KANTR: variants seen among roughly 807,000 people sequenced by gnomAD.
The protein encoded by KANTR is KANTR integral membrane protein.
chrX:53,138,083 T>A (rs1443534359), intron 2 of KANTR, among the ~76,000 whole-genome samples: 1 of 109,974 alleles, frequency 9.1e-6, no homozygotes, highest in African/African-American at 3.3e-5. Context: ...TATTTATTTT[T>A]TTGAGATGGA....
At chrX:53,122,449 G>A (rs1191072903) in intron 2 of KANTR, among the ~76,000 whole-genome samples, 5 of 110,379 alleles carry the variant, frequency 4.5e-5, no homozygotes, top group Admixed American at 2.9e-4. Context: ...TTTTCTTGTC[G>A]TACTGAGATG....
At chrX:53,104,259 C>G (rs1200975850) in intron 2 of KANTR, among the ~76,000 whole-genome samples, 1 of 110,468 alleles carries the variant, frequency 9.1e-6, no homozygotes, top group Non-Finnish European at 1.9e-5. Flanking sequence ...CAGCCTCTCG[C>G]TCTGTCACCC....
At chrX:53,103,345 C>T (rs1556812192) in intron 2 of KANTR, among the ~76,000 whole-genome samples, 1 of 111,171 alleles carries the variant, frequency 9.0e-6, no homozygotes, top group African/African-American at 3.3e-5. Context: ...ATCCTGTTCT[C>T]TAGCCAGTAC....
chrX:53,142,809 A>G (rs1933522378), downstream of KANTR: 1 of 475,654 alleles, frequency 2.1e-6, no homozygotes, highest in South Asian at 2.7e-5. Context: ...GCTAACCCAC[A>G]TGCTTGCAGT....
At chrX:53,144,343 C>T (rs190650502), downstream of KANTR, among the ~76,000 whole-genome samples, 39 of 110,578 alleles carry the variant, frequency 3.5e-4, no homozygotes, top group East Asian at 7.2e-3. Context: ...TGCAGTGAGC[C>T]GAGATTGTGC....
chrX:53,099,415 CTTCT>C (rs1556811455), intron 1 of KANTR, 53 bp from the exon 2 acceptor site: 1 of 111,777 alleles, frequency 8.9e-6, no homozygotes, highest in Non-Finnish European at 1.9e-5. Context: ...AATTCAGTCA[CTTCT>C]TCAGCCTCAC....
At chrX:53,114,433 C>T (rs1170291438) in intron 2 of KANTR, among the ~76,000 whole-genome samples, 2 of 112,523 alleles carry the variant, frequency 1.8e-5, no homozygotes, top group Non-Finnish European at 3.8e-5. Flanking sequence ...TTGCAGACTG[C>T]CTTTGTCTGG....
chrX:53,118,499 G>T (rs1933168261), intron 2 of KANTR, among the ~76,000 whole-genome samples: 1 of 111,849 alleles, frequency 8.9e-6, no homozygotes, highest in Non-Finnish European at 1.9e-5. Context: ...AATGGCTCAT[G>T]CCTGTAATCT....
At chrX:53,128,639 A>T (rs1710104848), downstream of KANTR, among the ~76,000 whole-genome samples, 1 of 111,585 alleles carries the variant, frequency 9.0e-6, no homozygotes, top group African/African-American at 3.3e-5. Flanking sequence ...TCCAATAAAT[A>T]AATCAGTTTT....
intron 2 of KANTR, among the ~76,000 whole-genome samples, chrX:53,136,447 A>G (rs1402408032): frequency 3.9e-5 from 4 of 103,401 alleles, no homozygotes; most frequent in Non-Finnish European, 7.9e-5. Flanking sequence ...CATGTTGGCC[A>G]GGCTGGTCTT....
rs781783647 is a variant in KANTR, at chrX:53,097,350, G to GTTTTT, written c.-941-2106_-941-2102dup. On this transcript the variant is annotated intron_variant, in intron 1 of 2. Transcript: ENST00000604062. ...ACAACCCTTTTTTCATTTGTTTTAA[G>GTTTTT]TTTTTTTTTTTTTTTTTTTTGAGAC... 4.2e-3 allele frequency among the ~76,000 whole-genome samples: 284 copies of GTTTTT among 67,995 alleles called. 17 individuals carry two copies. The highest frequency in any genetic ancestry group is 6.0e-3 in the Non-Finnish European group (226 of 37,860). The allele number at this position is 67,995 out of a possible 115,157, so 59.0% of individuals were successfully genotyped here. A position where few individuals can be genotyped will look rare whatever the true frequency, so the allele number is the denominator to read the frequency against.
chrX:53,129,241 G>GTGTGTGTGTGTA (rs1369887083), downstream of KANTR, among the ~76,000 whole-genome samples: 8 of 101,050 alleles, frequency 7.9e-5, no homozygotes, highest in Non-Finnish European at 1.2e-4. Flanking sequence ...CTATTTGTGT[G>GTGTGTGTGTGTA]TGTGTGTGTG....
At chrX:53,118,911 A>AT (rs1222319522) in intron 2 of KANTR, among the ~76,000 whole-genome samples, 1 of 111,257 alleles carries the variant, frequency 9.0e-6, no homozygotes, top group African/African-American at 3.3e-5. Flanking sequence ...TGGCTAAATC[A>AT]TTTTTTATTG....
intron 2 of KANTR, among the ~76,000 whole-genome samples, chrX:53,112,743 G>A (rs184726089): frequency 2.4e-4 from 27 of 110,966 alleles, no homozygotes; most frequent in African/African-American, 8.8e-4. Context: ...GGAGAACTTT[G>A]ACCTATGCCT....
intron 2 of KANTR, among the ~76,000 whole-genome samples, chrX:53,109,987 T>C (rs1556813470): frequency 9.0e-6 from 1 of 111,431 alleles, no homozygotes; most frequent in Non-Finnish European, 1.9e-5. Flanking sequence ...ACTCCTGGCC[T>C]CAAGCCATCT....
At chrX:53,109,278 GTTTTGTTTTTGT>G (rs1932994433) in intron 2 of KANTR, among the ~76,000 whole-genome samples, 1 of 111,545 alleles carries the variant, frequency 9.0e-6, no homozygotes, top group Admixed American at 9.6e-5. Context: ...GTTTTTTGTT[GTTTTGTTTTTGT>G]TTTTGTTTTG....
intron 2 of KANTR, among the ~76,000 whole-genome samples, chrX:53,103,811 C>T (rs1556812275): frequency 9.0e-6 from 1 of 111,577 alleles, no homozygotes; most frequent in Admixed American, 9.6e-5. Flanking sequence ...TATCCACATA[C>T]TCTGCCTTCT....
chrX:53,114,815 T>C (rs1364065271), intron 2 of KANTR, among the ~76,000 whole-genome samples: 1 of 111,170 alleles, frequency 9.0e-6, no homozygotes, highest in Non-Finnish European at 1.9e-5. Flanking sequence ...GGATCCTGGG[T>C]CTGCAAGGGT....
exon 3 of KANTR, chrX:53,126,026 T>A (rs2146747758): frequency 9.0e-6 from 1 of 110,789 alleles, no homozygotes; most frequent in South Asian, 3.8e-4. Flanking sequence ...TCTTTTGGCT[T>A]TGAGATGTCT....
Sources: gnomAD v4.1 joint callset for allele counts (sites outside exome capture counted in the v4.1 genomes callset) on GRCh38, gnomAD v4.1.1 for gene constraint, MANE v1.5 for transcripts, NCBI Gene and HGNC (gene_info 2026-07-23, HGNC 2026-07-21) for gene names.